TMEM255B: variants seen among roughly 807,000 people sequenced by gnomAD.
TMEM255B encodes the protein transmembrane protein 255B.
Under a neutral mutation model 34.5 loss-of-function variants are expected in TMEM255B, and 35 were observed. That is an observed-to-expected ratio of 1.01 (90% CI 0.77 to 1.34). The LOEUF is 1.34. Ranked by LOEUF, TMEM255B falls within the 40% of genes most tolerant of loss-of-function variation. TMEM255B has a pLI of 0.00. For missense variants in TMEM255B, 432 were observed against 433.2 expected (o/e 1.00, Z 0.02); for synonymous variants, 206 against 201.2 (o/e 1.02, Z -0.20).
In TMEM255B at chr13:113,772,020, CTGTT is replaced by C. The variant is rs1474746913; in HGVS notation, c.252+2863_252+2866del. On this transcript the variant is annotated intron_variant, in intron 3 of 8. Transcript: ENST00000375353. The stretch of plus-strand genomic sequence containing the variant: ...CTCCCTCACCAGCACTTGTCACTGA[CTGTT>C]TGATTCTAGCCATCTAATGTGTGAT... Among the ~76,000 whole-genome samples the C allele has an allele frequency of 4.6e-5, 7 of 152,302 alleles. No homozygotes were observed. In the East Asian group the frequency reaches 1.4e-3, roughly 29 times the overall value.
chr13:113,784,680 C>G (rs2050714710), intron 3 of TMEM255B, among the ~76,000 whole-genome samples: 1 of 152,146 alleles, frequency 6.6e-6, no homozygotes, highest in African/African-American at 2.4e-5. Context: ...GGGGAGTAGC[C>G]CCGGCCCAAG....
chr13:113,805,044 C>A lies in TMEM255B; in HGVS notation c.813+16C>A, dbSNP rs1212684039. 2 of 1,586,010 alleles carry A rather than the reference C, an allele frequency of 1.3e-6. No individual in the cohort carries two copies. The highest frequency in any genetic ancestry group is 8.6e-7 in the Non-Finnish European group (1 of 1,167,498). On this transcript the variant is annotated intron_variant, in intron 8 of 8. Coordinates refer to ENST00000375353, the MANE Select transcript of TMEM255B (RefSeq NM_182614.4). ...GCCCCTTCAGGTAGGGCCAGCATCACCTGCTGGAGTTGGACGCGCTGGTCA... is the reference window on the plus strand; with the variant it reads ...GCCCCTTCAGGTAGGGCCAGCATCAACTGCTGGAGTTGGACGCGCTGGTCA...
intron 4 of TMEM255B, among the ~76,000 whole-genome samples, chr13:113,798,539 G>GCAT (rs1248980958): frequency 1.3e-5 from 2 of 151,204 alleles, no homozygotes; most frequent in African/African-American, 4.9e-5. Context: ...GATGATGGAT[G>GCAT]TGGATGGATA....
intron 3 of TMEM255B, among the ~76,000 whole-genome samples, chr13:113,771,774 T>C (rs1246850287): frequency 6.6e-6 from 1 of 152,230 alleles, no homozygotes; most frequent in African/African-American, 2.4e-5. Context: ...TACAGCTGTT[T>C]ACAGACTTTG....
In TMEM255B at chr13:113,811,730, T is replaced by C. The variant is rs1477902370; in HGVS notation, c.814-6T>C. Reference sequence around the variant, plus strand: ...GCTAACCCAGGGCCCTCTCTGTTTATTGCAGCCCTGCAGCCGCTTCCCAGT... The same window carrying C: ...GCTAACCCAGGGCCCTCTCTGTTTACTGCAGCCCTGCAGCCGCTTCCCAGT... On this transcript the variant is annotated splice_region_variant and splice_polypyrimidine_tract_variant and intron_variant, in intron 8 of 8. Coordinates refer to ENST00000375353, the MANE Select transcript of TMEM255B (RefSeq NM_182614.4). 1.1e-5 allele frequency: 18 copies of C among 1,613,462 alleles called. No homozygotes were observed. Among genetic ancestry groups the C allele is most frequent in the Non-Finnish European group, 1.4e-5 (17 of 1,179,762 alleles).
chr13:113,813,032 C>T lies in TMEM255B; in HGVS notation c.*1129C>T, dbSNP rs1365616332. 1 of 149,002 alleles carries T rather than the reference C, an allele frequency of 6.7e-6. No homozygotes were observed. 9.2% of individuals were successfully genotyped at this position (149,002 alleles called of 1,614,324 possible). ...TGGGTCACGGGTCCCGGGTGGGTCA[C>T]AGGCGCCCCAGTGACAGGAGTTCAG... is the stretch of plus-strand genomic sequence containing the variant. On this transcript the variant is annotated 3_prime_UTR_variant, in exon 9 of 9. Transcript: ENST00000375353.
chr13:113,797,066 C>G (rs1429493088), intron 4 of TMEM255B, among the ~76,000 whole-genome samples: 1 of 152,254 alleles, frequency 6.6e-6, no homozygotes, highest in African/African-American at 2.4e-5. Flanking sequence ...GCTCCAGGCG[C>G]CCGTGGCCGT....
rs577714204 is a variant in TMEM255B at position 113,764,141 on chromosome 13, G to A, written c.47-1974G>A. 9.9e-5 allele frequency among the ~76,000 whole-genome samples: 15 copies of A among 151,798 alleles called. No individual in the cohort carries two copies. In the East Asian group the frequency reaches 1.9e-3, roughly 20 times the overall value. On this transcript the variant is annotated intron_variant, in intron 1 of 8. Coordinates refer to ENST00000375353, the MANE Select transcript of TMEM255B (RefSeq NM_182614.4). ...GGGTGGGATGGGCCGGGGCGTGGGCGTGGGACACGGGGACACGGGTTGGGG... is the reference window on the plus strand; with the variant it reads ...GGGTGGGATGGGCCGGGGCGTGGGCATGGGACACGGGGACACGGGTTGGGG...
rs67868509 is a variant in TMEM255B at position 113,811,945 on chromosome 13, TA to T, written c.*50del. 12 of 1,493,822 alleles carry T rather than the reference TA, an allele frequency of 8.0e-6. No homozygotes were observed. Among genetic ancestry groups the T allele is most frequent in the Non-Finnish European group, 1.1e-5 (12 of 1,115,902 alleles). 92.5% of individuals were successfully genotyped at this position (1,493,822 alleles called of 1,614,324 possible). A position where few individuals can be genotyped will look rare whatever the true frequency, so the allele number is the denominator to read the frequency against. ...AAGATAACTTGTTTGTTTTTTTTTT[TA>T]AAAAAAAGGCAGCCTCTAGAAATCC... is the stretch of plus-strand genomic sequence containing the variant. On this transcript the variant is annotated 3_prime_UTR_variant, in exon 9 of 9. Transcript: ENST00000375353.
chr13:113,769,085 C>T lies in TMEM255B; in HGVS notation c.190-13C>T. The T allele has an allele frequency of 6.2e-7, 1 of 1,614,036 alleles. No homozygotes were observed. On this transcript the variant is annotated splice_polypyrimidine_tract_variant and intron_variant, in intron 2 of 8. Coordinates refer to ENST00000375353, the MANE Select transcript of TMEM255B (RefSeq NM_182614.4). The surrounding 1 kb of genome is among the most constrained non-coding windows in gnomAD (Gnocchi z 4.2). ...TAATGAGTGTTTCTCTCTCGTTCTT[C>T]CTTTGGTTTTAGCTCGGCTTTGGAT...
chr13:113,777,421 C>T (rs1364450885), intron 3 of TMEM255B, among the ~76,000 whole-genome samples: 1 of 152,202 alleles, frequency 6.6e-6, no homozygotes, highest in African/African-American at 2.4e-5. Flanking sequence ...TGCCCGTTCC[C>T]AGTACAGGGC....
intron 3 of TMEM255B, among the ~76,000 whole-genome samples, chr13:113,779,132 C>T (rs865810483): frequency 2.0e-5 from 3 of 151,764 alleles, no homozygotes; most frequent in African/African-American, 7.3e-5. Flanking sequence ...ATCTTGGGGT[C>T]GGCATGTTTC....
At chr13:113,778,781 A>G (rs776230462) in intron 3 of TMEM255B, among the ~76,000 whole-genome samples, 12 of 152,216 alleles carry the variant, frequency 7.9e-5, no homozygotes, top group East Asian at 1.9e-4. Flanking sequence ...CTAACCTGAC[A>G]TTAGGTTTTT....
At chr13:113,805,767 C>T (rs1200965884) in intron 8 of TMEM255B, among the ~76,000 whole-genome samples, 2 of 152,192 alleles carry the variant, frequency 1.3e-5, no homozygotes, top group African/African-American at 2.4e-5. Context: ...GGACGTGTCC[C>T]GTGTCTCCTG....
intron 1 of TMEM255B, among the ~76,000 whole-genome samples, chr13:113,765,328 G>A (rs905211354): frequency 2.0e-5 from 3 of 152,218 alleles, no homozygotes; most frequent in African/African-American, 7.2e-5. Context: ...CCTTGGGTGC[G>A]ATAACCTTGC....
chr13:113,815,436 C>T lies in TMEM255B; in HGVS notation c.*3533C>T, dbSNP rs868200086. ...TGGGTGATATGGTTTTGCTGTGTCC[C>T]CACCCAAATCTCAACTTGAATTGTA... is the stretch of plus-strand genomic sequence containing the variant. On this transcript the variant is annotated 3_prime_UTR_variant, in exon 9 of 9. Coordinates refer to ENST00000375353, the MANE Select transcript of TMEM255B (RefSeq NM_182614.4). 1.3e-5 allele frequency: 2 copies of T among 152,198 alleles called. No individual in the cohort carries two copies. The highest frequency in any genetic ancestry group is 2.9e-5 in the Non-Finnish European group (2 of 68,114). The allele number at this position is 152,198 out of a possible 1,614,324, so 9.4% of individuals were successfully genotyped here.
intron 4 of TMEM255B, among the ~76,000 whole-genome samples, chr13:113,798,594 TGATG>T (rs763504973): frequency 1.4e-3 from 205 of 147,694 alleles, no homozygotes; most frequent in African/African-American, 3.4e-3. Context: ...GGATAATGGA[TGATG>T]GATGGATGGA....
At chr13:113,782,943 T>G (rs1328179376) in intron 3 of TMEM255B, among the ~76,000 whole-genome samples, 2 of 152,342 alleles carry the variant, frequency 1.3e-5, no homozygotes, top group South Asian at 4.1e-4. Flanking sequence ...TATGGAGATG[T>G]TTGTCTTTTT....
intron 5 of TMEM255B, among the ~76,000 whole-genome samples, chr13:113,800,492 C>A (rs1022624578): frequency 2.0e-5 from 3 of 152,064 alleles, no homozygotes; most frequent in African/African-American, 7.2e-5. Context: ...CTTCTGTGCA[C>A]CCCACGCCGA....
Sources: allele counts gnomAD v4.1 joint callset (sites outside exome capture counted in the v4.1 genomes callset), GRCh38; gene constraint gnomAD v4.1.1; non-coding constraint Gnocchi (gnomAD v3.1); transcripts MANE v1.5; gene names NCBI Gene and HGNC (gene_info 2026-07-23, HGNC 2026-07-21).